The following HAAO variants were observed in gnomAD, a reference collection of about 807,000 sequenced individuals.
HAAO encodes 3-hydroxyanthranilate oxygenase.
Under a neutral mutation model 46.2 loss-of-function variants are expected in HAAO, and 49 were observed. That is an observed-to-expected ratio of 1.06 (90% CI 0.84 to 1.34). The LOEUF is 1.34. Ranked by LOEUF, HAAO falls within the 40% of genes most tolerant of loss-of-function variation. The probability of loss-of-function intolerance (pLI) is 0.00; values close to 1 mark genes in which losing one functional copy is unlikely to be tolerated. For missense variants in HAAO, 408 were observed against 364.5 expected (o/e 1.12, Z -0.97); for synonymous variants, 157 against 145.2 (o/e 1.08, Z -0.58).
intron 4 of HAAO, among the ~76,000 whole-genome samples, chr2:42,778,204 T>C (rs546466163): frequency 2.0e-5 from 3 of 151,518 alleles, no homozygotes; most frequent in Non-Finnish European, 4.4e-5. Context: ...GGAAAAAAAC[T>C]GAGATTAAAT....
At chr2:42,770,312 AGCTGTGTGTC>A in intron 5 of HAAO, 126 bp from the exon 6 acceptor site, 1 of 901,980 alleles carries the variant, frequency 1.1e-6, no homozygotes, top group Non-Finnish European at 1.8e-6. Flanking sequence ...GCTCTCACAC[AGCTGTGTGTC>A]TGCCATCCTT....
chr2:42,790,449 G>C (rs576096491), intron 1 of HAAO, among the ~76,000 whole-genome samples: 1 of 151,890 alleles, frequency 6.6e-6, no homozygotes, highest in Non-Finnish European at 1.5e-5. Flanking sequence ...CTTGGGGAAC[G>C]ATTGAGAAGG....
At position 42,767,917 on chromosome 2, in the gene HAAO, A is replaced by G; in HGVS notation, c.642T>C (p.Tyr214=). 1.9e-6 allele frequency: 3 copies of G among 1,613,784 alleles called. No homozygotes were observed. Among genetic ancestry groups the G allele is most frequent in the Non-Finnish European group, 2.5e-6 (3 of 1,179,694 alleles). Residue 214 remains tyrosine, a synonymous_variant, in exon 8 of 10, where the codon TAT becomes TAC. Transcript: ENST00000294973. ...GDTYETQVIA[Y]GQGSSEGLRQ... Reference sequence around the variant, plus strand: ...TCAGGCCTTCGCTGCTGCCTTGCCCATAGGCGATCACCTGGTGGGAGGTGA... The same window carrying G: ...TCAGGCCTTCGCTGCTGCCTTGCCCGTAGGCGATCACCTGGTGGGAGGTGA...
chr2:42,779,539 C>A lies in HAAO; in HGVS notation c.350+3775G>T, dbSNP rs1239316841. Among the ~76,000 whole-genome samples the A allele has an allele frequency of 2.0e-5, 3 of 152,144 alleles. No individual in the cohort carries two copies. The South Asian group carries it at 6.2e-4, about 31-fold the overall frequency. On this transcript the variant is annotated intron_variant, in intron 4 of 9. Transcript: ENST00000294973. Reference sequence around the variant, plus strand: ...GTTTCACCATGTTGGTCAGGCTGGTCTTGAACTCTTGACCTCGTGATCCCC... The same window carrying A: ...GTTTCACCATGTTGGTCAGGCTGGTATTGAACTCTTGACCTCGTGATCCCC...
At chr2:42,787,098 C>T (rs988107368) in intron 2 of HAAO, among the ~76,000 whole-genome samples, 4 of 152,190 alleles carry the variant, frequency 2.6e-5, no homozygotes, top group Non-Finnish European at 4.4e-5. Context: ...AGATTCCTCC[C>T]AGACACCTGG....
intron 4 of HAAO, among the ~76,000 whole-genome samples, chr2:42,780,773 A>G (rs1352340436): frequency 6.6e-6 from 1 of 151,694 alleles, no homozygotes; most frequent in Non-Finnish European, 1.5e-5. Flanking sequence ...GCTTTTAACA[A>G]TTTAATACTC....
chr2:42,792,363 T>C (rs1672867747), intron 1 of HAAO, 94 bp downstream of exon 1: 2 of 650,514 alleles, frequency 3.1e-6, no homozygotes, highest in Admixed American at 3.0e-5. Context: ...TGCAAGCTTC[T>C]GGGTCCAGGA....
rs563031289 is a variant in HAAO at position 42,786,201 on chromosome 2, C to G, written c.159+2328G>C. Reference sequence around the variant, plus strand: ...CTGGGCAGGCTATACGATATTGTCTCTATTTTCTCGCTCTTGTCCCCTGCT... The same window carrying G: ...CTGGGCAGGCTATACGATATTGTCTGTATTTTCTCGCTCTTGTCCCCTGCT... On this transcript the variant is annotated intron_variant, in intron 2 of 9. Coordinates refer to ENST00000294973, the MANE Select transcript of HAAO (RefSeq NM_012205.3). 3.9e-5 allele frequency among the ~76,000 whole-genome samples: 6 copies of G among 152,168 alleles called. No individual in the cohort carries two copies. In the South Asian group the frequency reaches 1.0e-3, roughly 26 times the overall value.
rs189702623 is a variant in HAAO, at chr2:42,767,269, C to T, written c.*168G>A. The stretch of plus-strand genomic sequence containing the variant: ...AGCTGCTGCCCGCCCAGGGGCATGG[C>T]ATCTGGGCTGAGAAGGGCAGGAGGG... On this transcript the variant is annotated 3_prime_UTR_variant, in exon 10 of 10. Coordinates refer to ENST00000294973, the MANE Select transcript of HAAO (RefSeq NM_012205.3). The T allele has an allele frequency of 1.1e-5, 7 of 639,990 alleles. No homozygotes were observed. In the Admixed American group the frequency reaches 1.4e-4, roughly 12 times the overall value. The allele number at this position is 639,990 out of a possible 1,614,324, so 39.6% of individuals were successfully genotyped here. A position where few individuals can be genotyped will look rare whatever the true frequency, so the allele number is the denominator to read the frequency against.
intron 2 of HAAO, among the ~76,000 whole-genome samples, chr2:42,786,393 T>G (rs903802848): frequency 2.0e-5 from 3 of 152,178 alleles, no homozygotes; most frequent in African/African-American, 7.2e-5. Flanking sequence ...TTAACTGTAC[T>G]GGCTCAGGCA....
chr2:42,790,987 T>C (rs531332723), intron 1 of HAAO, among the ~76,000 whole-genome samples: 3 of 152,290 alleles, frequency 2.0e-5, no homozygotes, highest in South Asian at 2.1e-4. Context: ...CAGCAGCTTC[T>C]CACCTTGCTT....
chr2:42,769,288 A>T (rs1388160672), intron 7 of HAAO, among the ~76,000 whole-genome samples: 1 of 152,174 alleles, frequency 6.6e-6, no homozygotes, highest in East Asian at 1.9e-4. Context: ...GCCTTGTTTG[A>T]ATCCCTCTCT....
chr2:42,780,863 C>T (rs1281983216), intron 4 of HAAO, among the ~76,000 whole-genome samples: 5 of 147,018 alleles, frequency 3.4e-5, no homozygotes, highest in Admixed American at 2.1e-4. Context: ...GTCAGGAGAG[C>T]GAGACCATCC....
At chr2:42,787,597 G>A (rs766490179) in intron 2 of HAAO, among the ~76,000 whole-genome samples, 12 of 152,154 alleles carry the variant, frequency 7.9e-5, no homozygotes, top group Non-Finnish European at 1.8e-4. Context: ...AGCCTTGGGT[G>A]TCCCAGTGCA....
chr2:42,770,582 C>A lies in HAAO; in HGVS notation c.351G>T (p.Arg117Ser). The A allele has an allele frequency of 1.3e-6, 2 of 1,547,606 alleles. No homozygotes were observed. The highest frequency in any genetic ancestry group is 8.7e-7 in the Non-Finnish European group (1 of 1,144,366). ...CGTCCATGGTGTCGCCCACATAGTACCTGCCAGAGCAGAGGACAGGCAACC... is the reference window on the plus strand; with the variant it reads ...CGTCCATGGTGTCGCCCACATAGTAACTGCCAGAGCAGAGGACAGGCAACC... ...RRLETELDGL[R>S]YYVGDTMDVL... The change falls in exon 5 of 10, where the codon AGG (arginine) becomes AGT (serine). Residue 117 changes from arginine to serine, a missense_variant and splice_region_variant. Physicochemically the swap from Arg to Ser is moderately radical, Grantham distance 110. Coordinates refer to ENST00000294973, the MANE Select transcript of HAAO (RefSeq NM_012205.3).
At chr2:42,786,011 G>C (rs186451851) in intron 2 of HAAO, among the ~76,000 whole-genome samples, 64 of 8,822 alleles carry the variant, frequency 7.3e-3, no homozygotes, top group Non-Finnish European at 0.018. Context: ...GGAAGCCTCT[G>C]TGTGTGTGTG....
At chr2:42,791,165 A>G (rs992285721) in intron 1 of HAAO, among the ~76,000 whole-genome samples, 3 of 152,208 alleles carry the variant, frequency 2.0e-5, no homozygotes, top group African/African-American at 4.8e-5. Context: ...CCCTGATCCA[A>G]TATGTCTGGT....
chr2:42,783,192 G>A (rs1047279533), intron 4 of HAAO, 122 bp downstream of exon 4: 3 of 636,624 alleles, frequency 4.7e-6, no homozygotes, highest in East Asian at 5.5e-5. Flanking sequence ...AGGCCCTCCT[G>A]CCCACTCAGT....
chr2:42,782,454 G>A (rs935968550), intron 4 of HAAO, among the ~76,000 whole-genome samples: 29 of 152,172 alleles, frequency 1.9e-4, no homozygotes, highest in African/African-American at 2.4e-4. Context: ...GGATCTACCC[G>A]TCTAGGAATA....
Sources: gnomAD v4.1 joint callset for allele counts (sites outside exome capture counted in the v4.1 genomes callset) on GRCh38, gnomAD v4.1.1 for gene constraint, MANE v1.5 for transcripts, NCBI Gene and HGNC (gene_info 2026-07-23, HGNC 2026-07-21) for gene names.